The following DICER1 variants were observed in gnomAD, a reference collection of about 807,000 sequenced individuals.
DICER1 encodes the protein endoribonuclease Dicer.
DICER1 carries 43 observed loss-of-function variants against 194.1 expected under a neutral mutation model. The observed-to-expected ratio is 0.22, with a 90% CI of 0.17 to 0.29. The LOEUF is 0.29. Ranked by LOEUF, DICER1 falls within the 10% of genes least tolerant of loss-of-function variation. The pLI, the probability that DICER1 is intolerant of heterozygous loss-of-function variation, is 1.00. For synonymous variants in DICER1, 832 were observed against 820.5 expected (o/e 1.01, Z -0.24); for missense variants, 1,608 against 2,317.0 (o/e 0.69, Z 6.28).
chr14:95,124,810 G>A lies in DICER1; in HGVS notation c.904-142C>T, dbSNP rs1893267850. On this transcript the variant is annotated intron_variant, in intron 7 of 26. Coordinates refer to ENST00000343455, the MANE Select transcript of DICER1 (RefSeq NM_177438.3). The surrounding 1 kb of genome is among the most constrained non-coding windows in gnomAD (Gnocchi z 4.5). Reference sequence around the variant, plus strand: ...CTTAGGTTAAGTCCCTGAAGGTGGGGGGAGAGGCCATTAGCCTTTTCAAGC... The same window carrying A: ...CTTAGGTTAAGTCCCTGAAGGTGGGAGGAGAGGCCATTAGCCTTTTCAAGC... 7.2e-6 allele frequency: 5 copies of A among 694,682 alleles called. No individual in the cohort carries two copies. The highest frequency in any genetic ancestry group is 1.8e-5 in the African/African-American group (1 of 55,610). The allele number at this position is 694,682 out of a possible 1,614,324, so 43.0% of individuals were successfully genotyped here. A position where few individuals can be genotyped will look rare whatever the true frequency, so the allele number is the denominator to read the frequency against.
At chr14:95,119,227 A>G (rs1892739793) in intron 8 of DICER1, among the ~76,000 whole-genome samples, 1 of 152,224 alleles carries the variant, frequency 6.6e-6, no homozygotes, top group African/African-American at 2.4e-5. Flanking sequence ...AAAATTATAA[A>G]TTATCCATCT....
At chr14:95,112,149 A>G (rs1892025923) in intron 13 of DICER1, 23 bp downstream of exon 13, 3 of 1,600,260 alleles carry the variant, frequency 1.9e-6, no homozygotes, top group African/African-American at 2.7e-5. Context: ...TTTCATTCGT[A>G]TATGCTTTTC....
At chr14:95,095,724 G>C (rs773973070) in intron 23 of DICER1, 101 bp downstream of exon 23, 2 of 1,260,796 alleles carry the variant, frequency 1.6e-6, no homozygotes, top group Admixed American at 1.9e-5. Flanking sequence ...TATTAAGCAT[G>C]AACACTGTAC....
In DICER1 at chr14:95,129,532, T is replaced by C. The variant is rs1445983492; in HGVS notation, c.674A>G (p.Lys225Arg). The change falls in exon 6 of 27, where the codon AAA becomes AGA. Residue 225 changes from lysine to arginine, a missense_variant. Lys to Arg is a conservative substitution (Grantham distance 26). This residue lies in a region of DICER1 where 657 missense variants were observed against 910.1 expected (regional missense o/e 0.72). Transcript: ENST00000343455. ...DPEELEEKIQ[K>R]LEKILKSNAE... ...ATTACTCTTAAGAATTTTCTCTAGTTTCTGAATCTTTTCTTCCAATTCCTC... is the reference window on the plus strand; with the variant it reads ...ATTACTCTTAAGAATTTTCTCTAGTCTCTGAATCTTTTCTTCCAATTCCTC... 6.2e-7 allele frequency: 1 copy of C among 1,613,978 alleles called. No homozygotes were observed.
chr14:95,136,331 G>A (rs1040622303), intron 1 of DICER1, among the ~76,000 whole-genome samples: 5 of 152,082 alleles, frequency 3.3e-5, no homozygotes, highest in East Asian at 1.9e-4. Flanking sequence ...TCAACTCAGC[G>A]TGGTCTCAGT....
intron 17 of DICER1, among the ~76,000 whole-genome samples, chr14:95,107,299 G>A (rs1445391026): frequency 6.7e-6 from 1 of 149,470 alleles, no homozygotes; most frequent in Admixed American, 6.7e-5. Flanking sequence ...TCTCCAGGCT[G>A]GAGTGCAGTG....
At chr14:95,115,200 T>C (rs7152585) in intron 11 of DICER1, among the ~76,000 whole-genome samples, 9,825 of 152,240 alleles carry the variant, frequency 0.065, 413 homozygotes, top group African/African-American at 0.12. Context: ...ATTATCCTGG[T>C]ATATAATCCA....
rs774875481 is a variant in DICER1, at chr14:95,096,150, C to T, written c.4770G>A (p.Val1590=). The T allele has an allele frequency of 5.0e-6, 8 of 1,614,212 alleles. No individual in the cohort carries two copies. The Admixed American group carries it at 1.2e-4, about 24-fold the overall frequency. Residue 1590 remains valine (V), a synonymous_variant, in exon 23 of 27, where the codon GTG becomes GTA. Transcript: ENST00000343455. Reference sequence around the variant, plus strand: ...GATCAGTCCTTTTAATTACCGGGAGCACCTTCAGCCCCAGTGAACAGAGGA... The same window carrying T: ...GATCAGTCCTTTTAATTACCGGGAGTACCTTCAGCCCCAGTGAACAGAGGA... ...QLFLCSLGLK[V]LPVIKRTDRE...
At position 95,096,222 on chromosome 14, in the gene DICER1, C is replaced by G. The variant is rs372837448; in HGVS notation, c.4698G>C (p.Leu1566=). ...CACAGCTGGTTAAATAGCAGCCCAG[C>G]AGGGCTTCCACACAGTCCGCTATGC... ...DKSIADCVEA[L]LGCYLTSCGE... Residue 1566 remains leucine, a synonymous_variant, in exon 23 of 27, where the codon CTG becomes CTC. Transcript: ENST00000343455. The G allele has an allele frequency of 1.2e-6, 2 of 1,614,114 alleles. No individual in the cohort carries two copies. The highest frequency in any genetic ancestry group is 2.7e-5 in the African/African-American group (2 of 74,940).
At position 95,093,941 on chromosome 14, in the gene DICER1, C is replaced by A; in HGVS notation, c.5311G>T (p.Asp1771Tyr). Residue 1771 changes from aspartate (D) to tyrosine (Y), a missense_variant, in exon 24 of 27, where the codon GAC becomes TAC. Asp to Tyr is a radical substitution (Grantham distance 160). Around this residue, in one of 10 missense-constraint regions of DICER1, gnomAD observed 138 missense variants for 298.3 expected, o/e 0.46. Coordinates refer to ENST00000343455, the MANE Select transcript of DICER1 (RefSeq NM_177438.3). The part of the protein sequence containing the change: ...VSPELFHVID[D>Y]FVQFQLEKNE... ...TTCTCAAGCTGAAACTGCACAAAGTCATCAATGACATGGAAGAGCTCAGGA... is the reference window on the plus strand; with the variant it reads ...TTCTCAAGCTGAAACTGCACAAAGTAATCAATGACATGGAAGAGCTCAGGA... 1 of 1,614,118 alleles carries A rather than the reference C, an allele frequency of 6.2e-7. No homozygotes were observed. Among genetic ancestry groups the A allele is most frequent in the South Asian group, 1.1e-5 (1 of 91,068 alleles).
At chr14:95,111,686 C>CA (rs1235805363) in intron 13 of DICER1, among the ~76,000 whole-genome samples, 1 of 144,490 alleles carries the variant, frequency 6.9e-6, no homozygotes, top group Admixed American at 7.0e-5. Flanking sequence ...GGTTCAGAAA[C>CA]AAAAACATCT....
rs1892164122 is a variant in DICER1, at chr14:95,113,458, A to G, written c.1908-234T>C. ...CCCAACAGGGCAGTGGCTGGTGAGC[A>G]CTTGAAATGTGAGAAGTACAACTAC... On this transcript the variant is annotated intron_variant, in intron 11 of 26. Coordinates refer to ENST00000343455, the MANE Select transcript of DICER1 (RefSeq NM_177438.3). Among the ~76,000 whole-genome samples, 5 of 152,382 alleles carry G rather than the reference A, an allele frequency of 3.3e-5. No individual in the cohort carries two copies. The South Asian group carries it at 1.0e-3, about 32-fold the overall frequency.
chr14:95,087,328 T>G lies in DICER1; in HGVS notation c.*3170A>C. 8.6e-6 allele frequency: 2 copies of G among 233,212 alleles called. No individual in the cohort carries two copies. Among genetic ancestry groups the G allele is most frequent in the East Asian group, 6.1e-5 (1 of 16,452 alleles). The allele number at this position is 233,212 out of a possible 1,614,324, so 14.4% of individuals were successfully genotyped here. A position where few individuals can be genotyped will look rare whatever the true frequency, so the allele number is the denominator to read the frequency against. On this transcript the variant is annotated 3_prime_UTR_variant, in exon 27 of 27. Coordinates refer to ENST00000343455, the MANE Select transcript of DICER1 (RefSeq NM_177438.3). ...TTCTAAATTTCATCACTTCACGTAA[T>G]ATAAAAGAAAAAAGAAAAGAAATAT... is the stretch of plus-strand genomic sequence containing the variant.
rs1889497071 is a variant in DICER1, at chr14:95,088,254, A to G, written c.*2244T>C. On this transcript the variant is annotated 3_prime_UTR_variant, in exon 27 of 27. Coordinates refer to ENST00000343455, the MANE Select transcript of DICER1 (RefSeq NM_177438.3). ...TGAACATCTTAGTATTAACAAAAAA[A>G]TACTCTTCTTAAGGTTACAAATATA... is the stretch of plus-strand genomic sequence containing the variant. The G allele has an allele frequency of 4.3e-6, 1 of 232,126 alleles. No homozygotes were observed. Among genetic ancestry groups the G allele is most frequent in the Admixed American group, 5.6e-5 (1 of 17,748 alleles). 14.4% of individuals were successfully genotyped at this position (232,126 alleles called of 1,614,324 possible). A position where few individuals can be genotyped will look rare whatever the true frequency, so the allele number is the denominator to read the frequency against.
rs201507736 is a variant in DICER1 at position 95,126,849 on chromosome 14, TA to T, written c.735-102del. The T allele has an allele frequency of 0.15, 47,568 of 327,020 alleles. 180 individuals carry two copies. The highest frequency in any genetic ancestry group is 0.18 in the Middle Eastern group (189 of 1,028). The allele number at this position is 327,020 out of a possible 1,614,324, so 20.3% of individuals were successfully genotyped here. On this transcript the variant is annotated intron_variant, in intron 6 of 26. Transcript: ENST00000343455. ...AAAAAAAAAAAAAGGGAATAGATAC[TA>T]AAAAAAAAAAAAAATGCCAGAATGT... is the stretch of plus-strand genomic sequence containing the variant.
intron 3 of DICER1, 117 bp downstream of exon 3, chr14:95,132,398 T>C (rs1193216241): frequency 2.7e-6 from 3 of 1,102,398 alleles, no homozygotes; most frequent in Non-Finnish European, 4.1e-6. Flanking sequence ...ATTAAATGAG[T>C]ACATTATCTG....
rs758829946 is a variant in DICER1 at position 95,117,656 on chromosome 14, T to C, written c.1475A>G (p.Lys492Arg). The C allele has an allele frequency of 1.9e-6, 3 of 1,614,116 alleles. No homozygotes were observed. Among genetic ancestry groups the C allele is most frequent in the Non-Finnish European group, 2.5e-6 (3 of 1,179,966 alleles). The change falls in exon 9 of 27, where the codon AAA becomes AGA. Residue 492 changes from lysine to arginine, a missense_variant. Around this residue, in one of 10 missense-constraint regions of DICER1, gnomAD observed 657 missense variants for 910.1 expected, o/e 0.72. Transcript: ENST00000343455. ...TTTTCTGAATTCTGCTTCCATCTGT[T>C]TGTTGCGAGGCTGATTCTTCCCAAT... ...HGIGKNQPRN[K>R]QMEAEFRKQE... is the part of the protein sequence containing the mutation.
intron 3 of DICER1, among the ~76,000 whole-genome samples, chr14:95,132,253 CT>C (rs1300811202): frequency 6.6e-6 from 1 of 152,114 alleles, no homozygotes; most frequent in East Asian, 1.9e-4. Context: ...AATGTAACAA[CT>C]TAGATTATGT....
chr14:95,108,183 A>T (rs1343713575), intron 15 of DICER1, 90 bp from the exon 16 acceptor site: 1 of 1,312,392 alleles, frequency 7.6e-7, no homozygotes, highest in Non-Finnish European at 1.1e-6. Context: ...GATGCTTTCT[A>T]GTGGAGAAAT....
Sources: allele counts gnomAD v4.1 joint callset (sites outside exome capture counted in the v4.1 genomes callset), GRCh38; gene constraint gnomAD v4.1.1; regional missense constraint gnomAD v4.1.1; non-coding constraint Gnocchi (gnomAD v3.1); transcripts MANE v1.5; gene names NCBI Gene and HGNC (gene_info 2026-07-23, HGNC 2026-07-21).